SYT17: variants seen among roughly 807,000 people sequenced by gnomAD.
SYT17 encodes the protein synaptotagmin-17.
A neutral mutation model predicts 46.7 loss-of-function variants in SYT17; 22 were observed. That is an observed-to-expected ratio of 0.47 (90% CI 0.34 to 0.67). The LOEUF (loss-of-function observed/expected upper bound fraction) is 0.67. SYT17 is among the 30% of genes least tolerant of loss of function. SYT17 has a pLI of 0.01. For missense variants in SYT17, 519 were observed against 612.8 expected (o/e 0.85, Z 1.62); for synonymous variants, 251 against 248.4 (o/e 1.01, Z -0.10).
chr16:19,239,534 A>G (rs11645789), intron 7 of SYT17, among the ~76,000 whole-genome samples: 65,934 of 152,000 alleles, frequency 0.43, 15,662 homozygotes, highest in East Asian at 0.63. Flanking sequence ...TATAAAATCT[A>G]TCTCAGGGTT....
At position 19,247,455 on chromosome 16, in the gene SYT17, C is replaced by T. The variant is rs141302300; in HGVS notation, c.1229-19425C>T. On this transcript the variant is annotated intron_variant, in intron 7 of 7. Coordinates refer to ENST00000355377, the MANE Select transcript of SYT17 (RefSeq NM_016524.4). Reference sequence around the variant, plus strand: ...GCAATTTTTAAAAAAATGACACATCCTTGCCCCAAGCAACCCTCCTGTCCC... The same window carrying T: ...GCAATTTTTAAAAAAATGACACATCTTTGCCCCAAGCAACCCTCCTGTCCC... 2.0e-5 allele frequency among the ~76,000 whole-genome samples: 3 copies of T among 152,270 alleles called. No individual in the cohort carries two copies. The East Asian group carries it at 5.8e-4, about 29-fold the overall frequency.
intron 7 of SYT17, among the ~76,000 whole-genome samples, chr16:19,230,644 A>G (rs955738615): frequency 6.6e-6 from 1 of 152,180 alleles, no homozygotes; most frequent in African/African-American, 2.4e-5. Context: ...TTTCCCTGAG[A>G]AAAGAATGTT....
chr16:19,213,604 G>C (rs1226044320), intron 5 of SYT17, among the ~76,000 whole-genome samples: 1 of 152,178 alleles, frequency 6.6e-6, no homozygotes, highest in Non-Finnish European at 1.5e-5. Flanking sequence ...CAAACTCTTG[G>C]CTTCAAGCAT....
chr16:19,267,171 C>A lies in SYT17; in HGVS notation c.*95C>A. ...ACTATTACATCCACACCTGCATACACACTCGCAACATGTCTACACACGTCC... is the reference window on the plus strand; with the variant it reads ...ACTATTACATCCACACCTGCATACAAACTCGCAACATGTCTACACACGTCC... On this transcript the variant is annotated 3_prime_UTR_variant, in exon 8 of 8. Transcript: ENST00000355377. 1 of 1,106,482 alleles carries A rather than the reference C, an allele frequency of 9.0e-7. No homozygotes were observed. The highest frequency in any genetic ancestry group is 1.3e-6 in the Non-Finnish European group (1 of 798,452). The allele number at this position is 1,106,482 out of a possible 1,614,324, so 68.5% of individuals were successfully genotyped here. A position where few individuals can be genotyped will look rare whatever the true frequency, so the allele number is the denominator to read the frequency against.
intron 7 of SYT17, among the ~76,000 whole-genome samples, chr16:19,231,613 G>A (rs1385655715): frequency 1.3e-5 from 2 of 150,152 alleles, no homozygotes; most frequent in African/African-American, 2.5e-5. Context: ...GGCTAAGGAA[G>A]CGTTTCCAAA....
At position 19,183,453 on chromosome 16, in the gene SYT17, A is replaced by G; in HGVS notation, c.332-75A>G. 6.4e-7 allele frequency: 1 copy of G among 1,567,544 alleles called. No individual in the cohort carries two copies. Among genetic ancestry groups the G allele is most frequent in the Admixed American group, 1.8e-5 (1 of 56,396 alleles). On this transcript the variant is annotated intron_variant, in intron 4 of 7. Coordinates refer to ENST00000355377, the MANE Select transcript of SYT17 (RefSeq NM_016524.4). This position sits in a 1 kb window ranked among gnomAD's most constrained non-coding sequence, Gnocchi z 5.6. ...CTGAAGCAGAGTAAACAATGCAAGAATCTGCTTACCTGCAAAGTGGCCCAG... is the reference window on the plus strand; with the variant it reads ...CTGAAGCAGAGTAAACAATGCAAGAGTCTGCTTACCTGCAAAGTGGCCCAG...
chr16:19,180,526 G>A lies in SYT17; in HGVS notation c.318G>A (p.Thr106=), dbSNP rs1964507535. The part of the protein sequence containing the change: ...SDTSKSTYSL[T]RRISSLESRR... ...CATCCAAGTCTACATACAGCCTGAC[G>A]CGGAGGATTTCGAGTAAGTATCTCT... Residue 106 remains threonine (T), a synonymous_variant, in exon 4 of 8, where the codon ACG becomes ACA. Transcript: ENST00000355377. 3 of 1,614,170 alleles carry A rather than the reference G, an allele frequency of 1.9e-6. No homozygotes were observed. Among genetic ancestry groups the A allele is most frequent in the Non-Finnish European group, 1.7e-6 (2 of 1,180,042 alleles).
At chr16:19,174,050 A>G (rs79696908) in intron 3 of SYT17, among the ~76,000 whole-genome samples, 10,826 of 152,256 alleles carry the variant, frequency 0.071, 431 homozygotes, top group Admixed American at 0.097. Flanking sequence ...GGATGGGTAG[A>G]CGGAATGAAC....
chr16:19,257,883 G>A (rs771890923), intron 7 of SYT17, among the ~76,000 whole-genome samples: 7 of 152,054 alleles, frequency 4.6e-5, no homozygotes, highest in Non-Finnish European at 1.0e-4. Flanking sequence ...ACAAATGAGA[G>A]TCCTTCATTA....
chr16:19,243,819 CAAAAAA>C (rs760219447), intron 7 of SYT17, among the ~76,000 whole-genome samples: 13 of 56,930 alleles, frequency 2.3e-4, no homozygotes, highest in African/African-American at 5.4e-4. Flanking sequence ...AAAACTCCAT[CAAAAAA>C]AAAAAAAAAA....
intron 5 of SYT17, among the ~76,000 whole-genome samples, chr16:19,187,616 G>A (rs1393975952): frequency 6.6e-6 from 1 of 152,114 alleles, no homozygotes; most frequent in Non-Finnish European, 1.5e-5. Flanking sequence ...GAGAGGCACT[G>A]GAGACTCTGA....
chr16:19,197,617 T>G (rs1965304525), intron 5 of SYT17, among the ~76,000 whole-genome samples: 1 of 152,048 alleles, frequency 6.6e-6, no homozygotes, highest in Non-Finnish European at 1.5e-5. Flanking sequence ...CATGGCTAAT[T>G]TGCTCAGCCG....
intron 5 of SYT17, among the ~76,000 whole-genome samples, chr16:19,203,138 T>G (rs998388518): frequency 6.6e-6 from 1 of 152,080 alleles, no homozygotes; most frequent in Non-Finnish European, 1.5e-5. Flanking sequence ...TCATATATTA[T>G]GAGGATAATA....
upstream of SYT17, chr16:19,168,205 C>G (rs550067019): frequency 5.1e-6 from 1 of 196,156 alleles, no homozygotes; most frequent in African/African-American, 2.4e-5. This position sits in a 1 kb window ranked among gnomAD's most constrained non-coding sequence, Gnocchi z 6.9. Flanking sequence ...CCTCCCACCC[C>G]CTTCCCCATT....
intron 5 of SYT17, among the ~76,000 whole-genome samples, chr16:19,212,027 G>C (rs188611616): frequency 6.6e-6 from 1 of 152,134 alleles, no homozygotes; most frequent in Non-Finnish European, 1.5e-5. Context: ...AAATCATTTC[G>C]ATCCCGTAGA....
At chr16:19,235,542 A>C (rs995292077) in intron 7 of SYT17, among the ~76,000 whole-genome samples, 6 of 152,226 alleles carry the variant, frequency 3.9e-5, no homozygotes, top group Non-Finnish European at 8.8e-5. Flanking sequence ...AAATGACTTG[A>C]TTTACGAAGA....
At chr16:19,209,453 A>G (rs916354702) in intron 5 of SYT17, among the ~76,000 whole-genome samples, 1 of 152,224 alleles carries the variant, frequency 6.6e-6, no homozygotes, top group Non-Finnish European at 1.5e-5. Context: ...TAAACCCACA[A>G]GATACCCATC....
intron 5 of SYT17, among the ~76,000 whole-genome samples, chr16:19,189,921 T>C (rs1964946924): frequency 1.3e-5 from 2 of 152,208 alleles, no homozygotes; most frequent in African/African-American, 4.8e-5. Flanking sequence ...GAACATCCCA[T>C]CTGTCTTGCA....
chr16:19,245,303 CA>C (rs1196598620), intron 7 of SYT17, among the ~76,000 whole-genome samples: 5 of 152,092 alleles, frequency 3.3e-5, no homozygotes, highest in East Asian at 3.9e-4. Context: ...GGGTAGTGGC[CA>C]GGGGTGCTGC....
Sources: allele counts gnomAD v4.1 joint callset (sites outside exome capture counted in the v4.1 genomes callset), GRCh38; gene constraint gnomAD v4.1.1; non-coding constraint Gnocchi (gnomAD v3.1); transcripts MANE v1.5; gene names NCBI Gene and HGNC (gene_info 2026-07-23, HGNC 2026-07-21).